The following ADAMTS19 variants were observed in gnomAD, a reference collection of about 807,000 sequenced individuals.
ADAMTS19 encodes A disintegrin and metalloproteinase with thrombospondin motifs 19.
A neutral mutation model predicts 153.3 loss-of-function variants in ADAMTS19; 93 were observed. That is an observed-to-expected ratio of 0.61 (90% CI 0.51 to 0.72). The LOEUF is 0.72. ADAMTS19 is among the 30% of genes least tolerant of loss of function. The probability of loss-of-function intolerance (pLI) is 0.00; values close to 1 mark genes in which losing one functional copy is unlikely to be tolerated. For missense variants in ADAMTS19, 1,482 were observed against 1,552.1 expected (o/e 0.95, Z 0.76); for synonymous variants, 600 against 556.6 (o/e 1.08, Z -1.10).
At chr5:129,641,495 A>T (rs1001897675) in intron 10 of ADAMTS19, among the ~76,000 whole-genome samples, 2 of 152,206 alleles carry the variant, frequency 1.3e-5, no homozygotes, top group South Asian at 4.1e-4. Flanking sequence ...TTTATAACAC[A>T]AAAACAAACA....
chr5:129,679,520 A>G (rs1001800139), intron 16 of ADAMTS19, among the ~76,000 whole-genome samples: 3 of 152,216 alleles, frequency 2.0e-5, no homozygotes, highest in African/African-American at 7.2e-5. Flanking sequence ...AGGTCCAAGG[A>G]GATTAGAGAA....
chr5:129,573,920 AC>A (rs992895379), intron 7 of ADAMTS19, among the ~76,000 whole-genome samples: 1 of 151,780 alleles, frequency 6.6e-6, no homozygotes, highest in Non-Finnish European at 1.5e-5. Context: ...GAATTTAGAA[AC>A]CCCCCAAAGT....
chr5:129,693,151 T>C (rs1395327627), intron 18 of ADAMTS19, among the ~76,000 whole-genome samples: 2 of 151,820 alleles, frequency 1.3e-5, no homozygotes, highest in African/African-American at 2.4e-5. Flanking sequence ...CTCAGAGCTA[T>C]TGAGAGGAAA....
Position 129,684,186 on chromosome 5 carries a change from C to A in ADAMTS19, c.2731C>A (p.Pro911Thr). Reference sequence around the variant, plus strand: ...ATACACTATCCCATCAGACCCTCTTCCAGAAAACCAGAGCTCTAAAGCACC... The same window carrying A: ...ATACACTATCCCATCAGACCCTCTTACAGAAAACCAGAGCTCTAAAGCACC... ...YEYTIPSDPL[P>T]ENQSSKAPEP... Residue 911 changes from proline to threonine, a missense_variant, in exon 18 of 23, where the codon CCA becomes ACA. Physicochemically the swap from Pro to Thr is conservative, Grantham distance 38. Coordinates refer to ENST00000274487, the MANE Select transcript of ADAMTS19 (RefSeq NM_133638.6). 1 of 1,614,142 alleles carries A rather than the reference C, an allele frequency of 6.2e-7. No homozygotes were observed. Among genetic ancestry groups the A allele is most frequent in the South Asian group, 1.1e-5 (1 of 91,082 alleles).
At chr5:129,700,212 T>C (rs1755767857) in intron 19 of ADAMTS19, among the ~76,000 whole-genome samples, 1 of 152,294 alleles carries the variant, frequency 6.6e-6, no homozygotes, top group East Asian at 1.9e-4. Flanking sequence ...TAGCTCTCCA[T>C]CTAGATATTA....
intron 7 of ADAMTS19, among the ~76,000 whole-genome samples, chr5:129,583,436 C>A (rs954238410): frequency 1.3e-5 from 2 of 152,016 alleles, no homozygotes; most frequent in African/African-American, 4.8e-5. Context: ...CTCTGTATTT[C>A]CTGAATTTGA....
At chr5:129,531,491 G>T (rs1386603656) in intron 6 of ADAMTS19, among the ~76,000 whole-genome samples, 1 of 152,076 alleles carries the variant, frequency 6.6e-6, no homozygotes, top group African/African-American at 2.4e-5. Flanking sequence ...TGGGCATGGT[G>T]GTGCATGCCT....
chr5:129,499,280 A>G (rs777630516), intron 2 of ADAMTS19, among the ~76,000 whole-genome samples: 7 of 152,090 alleles, frequency 4.6e-5, no homozygotes, highest in Non-Finnish European at 8.8e-5. Context: ...ATTAGAATAT[A>G]CAATGAGAAA....
chr5:129,645,722 G>A (rs918533312), intron 11 of ADAMTS19, among the ~76,000 whole-genome samples: 1 of 151,810 alleles, frequency 6.6e-6, no homozygotes, highest in African/African-American at 2.4e-5. Flanking sequence ...TATGCACTCT[G>A]GGAAACATAA....
In ADAMTS19 at chr5:129,518,365, A is replaced by G. The variant is rs77643048; in HGVS notation, c.914-7919A>G. 5.5e-3 allele frequency among the ~76,000 whole-genome samples: 830 copies of G among 152,048 alleles called. 10 individuals are homozygous for G. Among genetic ancestry groups the G allele is most frequent in the African/African-American group, 0.019 (791 of 41,500 alleles). ...TTCTGAATGAAGTACCTCCTTAAGC[A>G]TTTTTTGTAGGACAGGTCTGGTATT... On this transcript the variant is annotated intron_variant, in intron 3 of 22. Transcript: ENST00000274487.
rs138917416 is a variant in ADAMTS19, at chr5:129,585,520, C to T, written c.1373-11039C>T. ...TAAAAATAACTTTTGAACACTTGTA[C>T]TATATCCCTACTACATATTGTTGCA... is the stretch of plus-strand genomic sequence containing the variant. On this transcript the variant is annotated intron_variant, in intron 7 of 22. Transcript: ENST00000274487. Among the ~76,000 whole-genome samples, 169 of 152,122 alleles carry T rather than the reference C, an allele frequency of 1.1e-3. 3 individuals carry two copies. The East Asian group carries it at 0.016, about 15-fold the overall frequency.
chr5:129,536,622 C>T (rs28890577), intron 6 of ADAMTS19, among the ~76,000 whole-genome samples: 30 of 152,168 alleles, frequency 2.0e-4, no homozygotes, highest in African/African-American at 4.3e-4. Flanking sequence ...TGTATGTTTA[C>T]TGCGGCACTA....
At chr5:129,608,140 A>ATATATATATATATATATATATATATAT (rs1164899419) in intron 8 of ADAMTS19, among the ~76,000 whole-genome samples, 19 of 132,896 alleles carry the variant, frequency 1.4e-4, no homozygotes, top group African/African-American at 2.4e-4. Flanking sequence ...ATATATATAT[A>ATATATATATATATATATATATATATAT]ATGGAACATT....
At chr5:129,575,363 A>G (rs1379006352) in intron 7 of ADAMTS19, among the ~76,000 whole-genome samples, 1 of 152,092 alleles carries the variant, frequency 6.6e-6, no homozygotes, top group Admixed American at 6.6e-5. Context: ...ATTATGTTAT[A>G]ACATTGTAAA....
At chr5:129,736,414 C>T (rs1218816817) in intron 22 of ADAMTS19, among the ~76,000 whole-genome samples, 1 of 152,076 alleles carries the variant, frequency 6.6e-6, no homozygotes, top group Non-Finnish European at 1.5e-5. Context: ...CAGTGACTTT[C>T]ATTATGCATT....
intron 21 of ADAMTS19, among the ~76,000 whole-genome samples, chr5:129,712,306 C>T (rs995609463): frequency 3.9e-5 from 6 of 152,040 alleles, no homozygotes; most frequent in Admixed American, 1.3e-4. Flanking sequence ...AATTTTAAAG[C>T]GTTTGGACAT....
intron 2 of ADAMTS19, among the ~76,000 whole-genome samples, chr5:129,477,272 T>A (rs1258588390): frequency 6.6e-6 from 1 of 152,144 alleles, no homozygotes; most frequent in Non-Finnish European, 1.5e-5. Flanking sequence ...CAGTTCCAAA[T>A]CTTAGCTGAT....
At chr5:129,671,984 T>A (rs972352391) in intron 16 of ADAMTS19, among the ~76,000 whole-genome samples, 7 of 152,182 alleles carry the variant, frequency 4.6e-5, no homozygotes, top group Admixed American at 3.3e-4. Flanking sequence ...CTCTTTGGGC[T>A]GCTATAACAA....
At chr5:129,692,048 G>T (rs1345592706) in intron 18 of ADAMTS19, among the ~76,000 whole-genome samples, 1 of 152,116 alleles carries the variant, frequency 6.6e-6, no homozygotes, top group Non-Finnish European at 1.5e-5. Flanking sequence ...TTAGGCAACT[G>T]CATCTATTCT....
Sources: allele counts gnomAD v4.1 joint callset (sites outside exome capture counted in the v4.1 genomes callset), GRCh38; gene constraint gnomAD v4.1.1; transcripts MANE v1.5; gene names NCBI Gene and HGNC (gene_info 2026-07-23, HGNC 2026-07-21).